EBF1: variants seen among roughly 807,000 people sequenced by gnomAD.
EBF1 encodes the protein transcription factor COE1.
Under a neutral mutation model 68.4 loss-of-function variants are expected in EBF1, and 10 were observed. The observed-to-expected ratio is 0.15, with a 90% CI of 0.09 to 0.25. The LOEUF (loss-of-function observed/expected upper bound fraction) is 0.25. Ranked by LOEUF, EBF1 falls within the 10% of genes least tolerant of loss-of-function variation. The pLI is 1.00. For synonymous variants in EBF1, 298 were observed against 299.8 expected, an observed-to-expected ratio of 0.99 and a Z score of 0.06; for missense variants, 509 against 794.4, an observed-to-expected ratio of 0.64 and a Z score of 4.32.
rs58752245 is a variant in EBF1 at position 158,775,783 on chromosome 5, GACACACACACACACAC to G, written c.1036+1614_1036+1629del. Among the ~76,000 whole-genome samples the G allele has an allele frequency of 9.6e-3, 1,246 of 129,604 alleles. 16 individuals carry two copies. The highest frequency in any genetic ancestry group is 0.034 in the African/African-American group (1,139 of 33,850). 85.0% of individuals were successfully genotyped at this position (129,604 alleles called of 152,430 possible). ...ACACACACACACACACATGCACACA[GACACACACACACACAC>G]ACACACACACACACACACACACACA... On this transcript the variant is annotated intron_variant, in intron 10 of 15. Transcript: ENST00000313708.
chr5:159,004,950 A>G (rs1358527788), intron 6 of EBF1, among the ~76,000 whole-genome samples: 1 of 152,242 alleles, frequency 6.6e-6, no homozygotes, highest in Non-Finnish European at 1.5e-5. Flanking sequence ...ACGGAATAAT[A>G]AAAACCAGTT....
intron 6 of EBF1, among the ~76,000 whole-genome samples, chr5:158,981,578 A>C (rs1757908530): frequency 1.3e-5 from 2 of 152,186 alleles, no homozygotes; most frequent in African/African-American, 4.8e-5. Context: ...ACTGCCTAAT[A>C]CAAGAACAAC....
At chr5:159,064,471 T>G (rs1776402500) in intron 6 of EBF1, among the ~76,000 whole-genome samples, 1 of 152,216 alleles carries the variant, frequency 6.6e-6, no homozygotes, top group Non-Finnish European at 1.5e-5. Context: ...AGTTTACAGA[T>G]CTGTCAAATG....
intron 8 of EBF1, among the ~76,000 whole-genome samples, chr5:158,814,266 G>T (rs1043021078): frequency 6.6e-6 from 1 of 152,218 alleles, no homozygotes; most frequent in East Asian, 1.9e-4. Context: ...TAGCTTGAGT[G>T]CAGGAGTTTG....
intron 6 of EBF1, among the ~76,000 whole-genome samples, chr5:158,921,415 G>A (rs139300672): frequency 6.6e-6 from 1 of 152,290 alleles, no homozygotes; most frequent in African/African-American, 2.4e-5. Flanking sequence ...ATGCCCTTTA[G>A]GACTCGCATC....
At chr5:158,909,213 G>A (rs1455735483) in intron 6 of EBF1, among the ~76,000 whole-genome samples, 2 of 152,186 alleles carry the variant, frequency 1.3e-5, no homozygotes, top group Non-Finnish European at 2.9e-5. Flanking sequence ...CTGAGTGTTT[G>A]CATTCCTTCT....
intron 6 of EBF1, among the ~76,000 whole-genome samples, chr5:159,066,768 T>A (rs939794432): frequency 4.6e-5 from 7 of 152,168 alleles, no homozygotes; most frequent in South Asian, 2.1e-4. Context: ...AGAAATAGTT[T>A]GTAAGGGAGA....
At chr5:158,873,095 G>C (rs1797181200) in intron 6 of EBF1, among the ~76,000 whole-genome samples, 1 of 131,754 alleles carries the variant, frequency 7.6e-6, no homozygotes, top group African/African-American at 2.9e-5. Flanking sequence ...ATTAATGATA[G>C]TCAATTTCTC....
intron 10 of EBF1, among the ~76,000 whole-genome samples, chr5:158,731,611 A>G (rs962808810): frequency 1.4e-4 from 22 of 152,212 alleles, no homozygotes; most frequent in Admixed American, 1.4e-3. Context: ...ATATCTCAGC[A>G]CAAATAAGCA....
chr5:158,958,377 C>T (rs575692911), intron 6 of EBF1, among the ~76,000 whole-genome samples: 7 of 152,102 alleles, frequency 4.6e-5, no homozygotes, highest in East Asian at 3.9e-4. Flanking sequence ...CTCCAATTTG[C>T]GGTGCTGATT....
chr5:158,956,721 C>T (rs914053132), intron 6 of EBF1, among the ~76,000 whole-genome samples: 2 of 150,338 alleles, frequency 1.3e-5, no homozygotes, highest in Non-Finnish European at 3.0e-5. Context: ...TAAGCATGTA[C>T]TACCACTCCC....
At chr5:158,751,339 GCC>G (rs1768851672) in intron 10 of EBF1, among the ~76,000 whole-genome samples, 1 of 151,914 alleles carries the variant, frequency 6.6e-6, no homozygotes, top group African/African-American at 2.4e-5. Flanking sequence ...TGTTGCGTTT[GCC>G]CCTGGCTCAT....
chr5:158,749,881 T>A (rs1334170886), intron 10 of EBF1, among the ~76,000 whole-genome samples: 1 of 152,158 alleles, frequency 6.6e-6, no homozygotes, highest in Non-Finnish European at 1.5e-5. Flanking sequence ...ATGTTTGTGC[T>A]GAAGTAGAGG....
intron 6 of EBF1, among the ~76,000 whole-genome samples, chr5:158,865,788 G>A (rs1795768270): frequency 1.3e-5 from 2 of 152,090 alleles, no homozygotes; most frequent in African/African-American, 4.8e-5. Flanking sequence ...ATAAAATTGG[G>A]TACATCTAGG....
intron 6 of EBF1, among the ~76,000 whole-genome samples, chr5:158,873,788 T>C: frequency 6.6e-6 from 1 of 152,146 alleles, no homozygotes. Context: ...ATAAGATGAT[T>C]TCCTTATCAC....
chr5:158,914,253 C>T (rs1306682147), intron 6 of EBF1, among the ~76,000 whole-genome samples: 7 of 152,090 alleles, frequency 4.6e-5, no homozygotes, highest in Admixed American at 4.6e-4. Flanking sequence ...TACCCGAGAC[C>T]TGGATCAGGG....
intron 6 of EBF1, among the ~76,000 whole-genome samples, chr5:158,879,350 G>T (rs1426548463): frequency 1.3e-5 from 2 of 152,224 alleles, no homozygotes; most frequent in Non-Finnish European, 2.9e-5. Flanking sequence ...CATGCGTCAA[G>T]ATGGGTTTGG....
chr5:158,844,288 T>C (rs1441375091), intron 6 of EBF1, among the ~76,000 whole-genome samples: 3 of 151,726 alleles, frequency 2.0e-5, no homozygotes, highest in African/African-American at 7.3e-5. Context: ...TGTGTTCATG[T>C]AATGCGTTAA....
At chr5:158,777,578 T>A in intron 9 of EBF1, 39 bp from the exon 10 acceptor site, 1 of 1,567,400 alleles carries the variant, frequency 6.4e-7, no homozygotes, top group South Asian at 1.2e-5. Flanking sequence ...GTCATTGCAA[T>A]AGTTAAAACT....
Sources: allele counts gnomAD v4.1 joint callset (sites outside exome capture counted in the v4.1 genomes callset), GRCh38; gene constraint gnomAD v4.1.1; transcripts MANE v1.5; gene names NCBI Gene and HGNC (gene_info 2026-07-23, HGNC 2026-07-21).